Variants in WWOX observed in about 807,000 individuals in gnomAD.
The protein encoded by WWOX is WW domain-containing oxidoreductase.
WWOX carries 69 observed loss-of-function variants against 46.2 expected under a neutral mutation model. The ratio of observed to expected loss-of-function variants is 1.49; its 90% CI spans 1.23 to 1.82. WWOX has a LOEUF of 1.82. Among genes scored for constraint, WWOX ranks in the 40% most tolerant of loss-of-function variants. WWOX has a pLI of 0.00. For synonymous variants in WWOX, 359 were observed against 202.6 expected, an observed-to-expected ratio of 1.77 and a Z score of -6.56; for missense variants, 919 against 542.6, an observed-to-expected ratio of 1.69 and a Z score of -6.89.
At chr16:79,130,575 C>G (rs1323339220) in intron 8 of WWOX, among the ~76,000 whole-genome samples, 1 of 152,158 alleles carries the variant, frequency 6.6e-6, no homozygotes, top group East Asian at 1.9e-4. Flanking sequence ...TCTTACATTG[C>G]TCAGAAGACT....
intron 8 of WWOX, among the ~76,000 whole-genome samples, chr16:79,166,548 A>G (rs887546381): frequency 2.0e-5 from 3 of 152,088 alleles, no homozygotes; most frequent in African/African-American, 7.2e-5. Context: ...TCCTAACAGC[A>G]CAATTGTTAG....
At chr16:78,380,592 T>A (rs1343665273) in intron 5 of WWOX, among the ~76,000 whole-genome samples, 1 of 152,146 alleles carries the variant, frequency 6.6e-6, no homozygotes, top group African/African-American at 2.4e-5. Flanking sequence ...CACCACATCT[T>A]ATGCATTGTG....
In WWOX at chr16:78,557,478, A is replaced by G. The variant is rs61488527; in HGVS notation, c.1056+124726A>G. 9.9e-3 allele frequency among the ~76,000 whole-genome samples: 1,510 copies of G among 152,104 alleles called. 22 individuals carry two copies. The highest frequency in any genetic ancestry group is 0.034 in the African/African-American group (1,418 of 41,478). On this transcript the variant is annotated intron_variant, in intron 8 of 8. Coordinates refer to ENST00000566780, the MANE Select transcript of WWOX (RefSeq NM_016373.4). ...ATCCAAAAACAAGCAGGAAAACCCC[A>G]TTCTCTTCATTTCTGGAATGCCGGA...
At chr16:78,512,525 C>T (rs1479239025) in intron 8 of WWOX, among the ~76,000 whole-genome samples, 2 of 152,040 alleles carry the variant, frequency 1.3e-5, no homozygotes, top group African/African-American at 4.8e-5. Flanking sequence ...GCATTGAATG[C>T]ATGATTAGAA....
At chr16:78,602,987 T>G (rs1385029972) in intron 8 of WWOX, among the ~76,000 whole-genome samples, 1 of 152,244 alleles carries the variant, frequency 6.6e-6, no homozygotes, top group Non-Finnish European at 1.5e-5. Flanking sequence ...CGTTCTTAGA[T>G]TCAACAAAAT....
rs145869254 is a variant in WWOX at position 78,786,636 on chromosome 16, T to C, written c.1056+353884T>C. Reference sequence around the variant, plus strand: ...AGTATATTCGCATGGTTATGTAATTTTCATCAAAATCTAATTTTAGAGTAT... The same window carrying C: ...AGTATATTCGCATGGTTATGTAATTCTCATCAAAATCTAATTTTAGAGTAT... On this transcript the variant is annotated intron_variant, in intron 8 of 8. Coordinates refer to ENST00000566780, the MANE Select transcript of WWOX (RefSeq NM_016373.4). 4.8e-3 allele frequency among the ~76,000 whole-genome samples: 738 copies of C among 152,314 alleles called. 4 individuals are homozygous for C. Among genetic ancestry groups the C allele is most frequent in the African/African-American group, 0.017 (716 of 41,558 alleles).
chr16:78,244,749 T>G (rs981359389), intron 5 of WWOX, among the ~76,000 whole-genome samples: 1 of 152,180 alleles, frequency 6.6e-6, no homozygotes, highest in African/African-American at 2.4e-5. Flanking sequence ...TCCTGTGGAA[T>G]GAAGTAGGCG....
At chr16:78,206,037 T>C (rs1409132216) in intron 5 of WWOX, among the ~76,000 whole-genome samples, 1 of 151,982 alleles carries the variant, frequency 6.6e-6, no homozygotes. Flanking sequence ...TGTTTCACCA[T>C]TGCATTGTGT....
chr16:79,055,377 T>C lies in WWOX; in HGVS notation c.1057-156231T>C, dbSNP rs147907817. 2.0e-5 allele frequency among the ~76,000 whole-genome samples: 3 copies of C among 152,328 alleles called. No individual in the cohort carries two copies. The East Asian group carries it at 5.8e-4, about 29-fold the overall frequency. ...TTCCCTTGTATCTAGGCTGCACTTA[T>C]TCGTTTGCTTGACCAATGGAATGTG... is the stretch of plus-strand genomic sequence containing the variant. On this transcript the variant is annotated intron_variant, in intron 8 of 8. Coordinates refer to ENST00000566780, the MANE Select transcript of WWOX (RefSeq NM_016373.4).
chr16:78,396,855 G>A (rs752102403), intron 6 of WWOX, among the ~76,000 whole-genome samples: 1 of 152,158 alleles, frequency 6.6e-6, no homozygotes, highest in Non-Finnish European at 1.5e-5. Flanking sequence ...ACTGGGTGTG[G>A]CTGTGTCCTA....
intron 5 of WWOX, among the ~76,000 whole-genome samples, chr16:78,337,228 G>A (rs547866444): frequency 8.5e-5 from 13 of 152,300 alleles, no homozygotes; most frequent in African/African-American, 3.1e-4. Context: ...TTGACCAAGA[G>A]TGGGTAGGAA....
At chr16:78,400,285 C>T (rs1037580917) in intron 6 of WWOX, among the ~76,000 whole-genome samples, 1 of 152,130 alleles carries the variant, frequency 6.6e-6, no homozygotes, top group Non-Finnish European at 1.5e-5. Context: ...TGACAAATTA[C>T]ACAGCTTTGG....
intron 8 of WWOX, among the ~76,000 whole-genome samples, chr16:78,673,977 A>G (rs1394614994): frequency 2.0e-5 from 3 of 152,152 alleles, no homozygotes; most frequent in African/African-American, 7.2e-5. Context: ...GGAAAGTACT[A>G]GCTTGGAGAA....
intron 8 of WWOX, among the ~76,000 whole-genome samples, chr16:78,972,470 GAA>G (rs11375724): frequency 0.012 from 1,776 of 142,914 alleles, 35 homozygotes; most frequent in Admixed American, 0.057. Flanking sequence ...AAGCAGGGGT[GAA>G]AAAAAAAAAA....
chr16:78,237,973 A>G (rs960530988), intron 5 of WWOX: 1 of 152,142 alleles, frequency 6.6e-6, no homozygotes, highest in Admixed American at 6.5e-5. Flanking sequence ...ATTAAACCAG[A>G]TCCCTTGAGG....
At chr16:78,716,818 G>A (rs182872038) in intron 8 of WWOX, among the ~76,000 whole-genome samples, 1 of 152,164 alleles carries the variant, frequency 6.6e-6, no homozygotes, top group South Asian at 2.1e-4. Context: ...TCCATAGCCT[G>A]AGCTTACCCT....
At chr16:78,481,355 T>G (rs1178581154) in intron 8 of WWOX, among the ~76,000 whole-genome samples, 3 of 152,186 alleles carry the variant, frequency 2.0e-5, no homozygotes, top group Non-Finnish European at 4.4e-5. Flanking sequence ...AGGTCTACTC[T>G]GTTTATCCTC....
At chr16:79,194,879 T>C (rs752175855) in intron 8 of WWOX, among the ~76,000 whole-genome samples, 2 of 152,074 alleles carry the variant, frequency 1.3e-5, no homozygotes, top group Non-Finnish European at 2.9e-5. Context: ...GAGTCTATGC[T>C]TTTTTCCCCC....
In WWOX at chr16:78,707,622, C is replaced by T. The variant is rs564187486; in HGVS notation, c.1056+274870C>T. Among the ~76,000 whole-genome samples, 309 of 152,192 alleles carry T rather than the reference C, an allele frequency of 2.0e-3. 2 individuals carry two copies. Among genetic ancestry groups the T allele is most frequent in the Non-Finnish European group, 3.2e-3 (219 of 68,014 alleles). On this transcript the variant is annotated intron_variant, in intron 8 of 8. Coordinates refer to ENST00000566780, the MANE Select transcript of WWOX (RefSeq NM_016373.4). The stretch of plus-strand genomic sequence containing the variant: ...TTAAGGCCCAGCATGGTGTCTCATG[C>T]CTGTAATCCCAGGGCTTTGGGAGAC...
Sources: allele counts gnomAD v4.1 joint callset (sites outside exome capture counted in the v4.1 genomes callset), GRCh38; gene constraint gnomAD v4.1.1; transcripts MANE v1.5; gene names NCBI Gene and HGNC (gene_info 2026-07-23, HGNC 2026-07-21).